Variants in SULF1 observed in about 807,000 individuals in gnomAD.
SULF1 encodes the protein extracellular sulfatase Sulf-1.
A neutral mutation model predicts 110.5 loss-of-function variants in SULF1; 46 were observed. The ratio of observed to expected loss-of-function variants is 0.42; its 90% confidence interval spans 0.33 to 0.53. The LOEUF is 0.53. Among genes scored for constraint, SULF1 ranks in the 20% least tolerant of loss-of-function variants. SULF1 has a pLI of 0.12. For missense variants in SULF1, 941 were observed against 1,094.2 expected (o/e 0.86, Z 1.98); for synonymous variants, 371 against 387.1 (o/e 0.96, Z 0.49).
At chr8:69,646,704 G>A (rs1168609324) in intron 22 of SULF1, among the ~76,000 whole-genome samples, 2 of 152,072 alleles carry the variant, frequency 1.3e-5, no homozygotes, top group Non-Finnish European at 2.9e-5. Context: ...TCTGGTTCTA[G>A]CTGTGCTGTT....
chr8:69,628,586 A>G (rs1021336287), intron 18 of SULF1, among the ~76,000 whole-genome samples: 15 of 152,246 alleles, frequency 9.9e-5, no homozygotes, highest in African/African-American at 3.6e-4. Flanking sequence ...GGTGTTCTAC[A>G]GAGCAGCCTG....
At position 69,520,413 on chromosome 8, in the gene SULF1, G is replaced by A. The variant is rs542368395; in HGVS notation, c.-134+18445G>A. ...TTCAGCAAGTCACCTTTTCATCTTT[G>A]TTCTTTGATTACACAACCTACCAGG... is the stretch of plus-strand genomic sequence containing the variant. On this transcript the variant is annotated intron_variant, in intron 3 of 22. Transcript: ENST00000402687. 2.0e-3 allele frequency among the ~76,000 whole-genome samples: 306 copies of A among 151,738 alleles called. 1 individual carries two copies. Among genetic ancestry groups the A allele is most frequent in the Middle Eastern group, 0.014 (4 of 294 alleles).
At chr8:69,568,707 T>A (rs1255127201) in intron 5 of SULF1, among the ~76,000 whole-genome samples, 1 of 152,164 alleles carries the variant, frequency 6.6e-6, no homozygotes, top group South Asian at 2.1e-4. Flanking sequence ...CCGTAAGTAC[T>A]TCAGAGTTTT....
intron 1 of SULF1, among the ~76,000 whole-genome samples, chr8:69,468,587 G>T (rs764965122): frequency 6.6e-6 from 1 of 152,090 alleles, no homozygotes; most frequent in Admixed American, 6.5e-5. Flanking sequence ...AACCAAAATA[G>T]ATCCAAGTTC....
intron 3 of SULF1, among the ~76,000 whole-genome samples, chr8:69,522,223 G>A (rs1198848977): frequency 6.6e-6 from 1 of 152,006 alleles, no homozygotes; most frequent in East Asian, 1.9e-4. Context: ...GCTACTTTTT[G>A]TATTTTTAGT....
chr8:69,522,256 G>A (rs1812361536), intron 3 of SULF1, among the ~76,000 whole-genome samples: 1 of 152,074 alleles, frequency 6.6e-6, no homozygotes, highest in African/African-American at 2.4e-5. Flanking sequence ...TCACCATGTT[G>A]ACCAGGCTGA....
intron 3 of SULF1, among the ~76,000 whole-genome samples, chr8:69,537,047 G>A (rs941570943): frequency 2.6e-5 from 4 of 152,160 alleles, no homozygotes; most frequent in African/African-American, 7.2e-5. Context: ...CGTTTTGTAG[G>A]CACTTAATGC....
chr8:69,484,769 T>C (rs1809628886), intron 1 of SULF1, among the ~76,000 whole-genome samples: 1 of 152,098 alleles, frequency 6.6e-6, no homozygotes, highest in Non-Finnish European at 1.5e-5. Context: ...GCAAGGACCA[T>C]GGTCTCAGGA....
chr8:69,604,661 G>A (rs1194114605), intron 12 of SULF1, 142 bp from the exon 13 acceptor site: 8 of 1,072,704 alleles, frequency 7.5e-6, no homozygotes, highest in African/African-American at 1.6e-5. Flanking sequence ...TTGAACTCCT[G>A]TAGACAGAGC....
chr8:69,647,165 G>A (rs1025904858), intron 22 of SULF1, among the ~76,000 whole-genome samples: 11 of 151,354 alleles, frequency 7.3e-5, no homozygotes, highest in South Asian at 2.1e-4. Context: ...GGCTGGTCTC[G>A]AACTCCTGCT....
intron 1 of SULF1, among the ~76,000 whole-genome samples, chr8:69,479,527 T>C (rs537277213): frequency 7.9e-5 from 12 of 152,266 alleles, no homozygotes; most frequent in African/African-American, 2.9e-4. Context: ...GACGAACTTA[T>C]TGCACACTGT....
intron 3 of SULF1, among the ~76,000 whole-genome samples, chr8:69,505,218 G>T (rs369508962): frequency 6.6e-6 from 1 of 152,170 alleles, no homozygotes; most frequent in South Asian, 2.1e-4. Context: ...AAATTTCACA[G>T]CTTGGGGGAG....
intron 2 of SULF1, among the ~76,000 whole-genome samples, chr8:69,499,572 G>A (rs1178921949): frequency 6.6e-6 from 1 of 152,154 alleles, no homozygotes. Flanking sequence ...TGAGAACTGT[G>A]AGGGCCAAGT....
chr8:69,514,019 A>C (rs945536724), intron 3 of SULF1, among the ~76,000 whole-genome samples: 1 of 152,320 alleles, frequency 6.6e-6, no homozygotes. Flanking sequence ...AACCTTGGTC[A>C]AGTCACTTAA....
chr8:69,517,102 C>T (rs187094507), intron 3 of SULF1, among the ~76,000 whole-genome samples: 1 of 152,248 alleles, frequency 6.6e-6, no homozygotes. Flanking sequence ...AGTCCAAGAG[C>T]ATGGTGCCAG....
chr8:69,556,372 A>T (rs1261315922), intron 3 of SULF1, among the ~76,000 whole-genome samples: 1 of 152,184 alleles, frequency 6.6e-6, no homozygotes. Context: ...CTCCTGCACA[A>T]TTCTTGAGTT....
At chr8:69,541,373 T>A (rs529002256) in intron 3 of SULF1, among the ~76,000 whole-genome samples, 1 of 152,108 alleles carries the variant, frequency 6.6e-6, no homozygotes, top group African/African-American at 2.4e-5. Context: ...TGAAGGAACA[T>A]GAAAGAGCAT....
rs551773373 is a variant in SULF1 at position 69,592,891 on chromosome 8, G to A, written c.734+3750G>A. The A allele has an allele frequency of 1.4e-5, 14 of 986,556 alleles. No homozygotes were observed. The East Asian group carries it at 3.4e-4, about 24-fold the overall frequency. 61.1% of individuals were successfully genotyped at this position (986,556 alleles called of 1,614,324 possible). On this transcript the variant is annotated intron_variant, in intron 8 of 22. Coordinates refer to ENST00000402687, the MANE Select transcript of SULF1 (RefSeq NM_001128205.2). The stretch of plus-strand genomic sequence containing the variant: ...GACAAGCTAAGACTCCCATTGTGAT[G>A]AGCCTCTCACACCTGGCCATTCCAA...
chr8:69,583,835 C>A (rs1216032058), intron 6 of SULF1, among the ~76,000 whole-genome samples: 1 of 152,142 alleles, frequency 6.6e-6, no homozygotes, highest in Non-Finnish European at 1.5e-5. Context: ...GATGACATTA[C>A]AACCACAAAG....
Sources: allele counts gnomAD v4.1 joint callset (sites outside exome capture counted in the v4.1 genomes callset), GRCh38; gene constraint gnomAD v4.1.1; transcripts MANE v1.5; gene names NCBI Gene and HGNC (gene_info 2026-07-23, HGNC 2026-07-21).